COL23A1: variants seen among roughly 807,000 people sequenced by gnomAD.
The protein encoded by COL23A1 is collagen alpha-1(XXIII) chain.
Under a neutral mutation model 99.3 loss-of-function variants are expected in COL23A1, and 97 were observed. That is an observed-to-expected ratio of 0.98 (90% confidence interval 0.83 to 1.16). COL23A1 has a LOEUF of 1.16. Among genes scored for constraint, COL23A1 ranks in the 50% most tolerant of loss-of-function variants. The pLI, the probability that COL23A1 is intolerant of heterozygous loss-of-function variation, is 0.00. For missense variants in COL23A1, 762 were observed against 757.4 expected, an observed-to-expected ratio of 1.01 and a Z score of -0.07; for synonymous variants, 320 against 308.2, an observed-to-expected ratio of 1.04 and a Z score of -0.40.
At chr5:178,488,638 C>T (rs896838596) in intron 2 of COL23A1, among the ~76,000 whole-genome samples, 1 of 150,664 alleles carries the variant, frequency 6.6e-6, no homozygotes, top group Non-Finnish European at 1.5e-5. Context: ...ATAGACAAAA[C>T]GGTGCGTGGA....
chr5:178,245,081 A>G (rs1035153727), intron 25 of COL23A1, among the ~76,000 whole-genome samples: 1 of 67,540 alleles, frequency 1.5e-5, no homozygotes, highest in African/African-American at 9.4e-5. Context: ...ATCATCTATC[A>G]TCCATCCATC....
intron 1 of COL23A1, among the ~76,000 whole-genome samples, chr5:178,583,034 G>A (rs1763742814): frequency 1.3e-5 from 2 of 152,232 alleles, no homozygotes; most frequent in South Asian, 4.1e-4. Flanking sequence ...TTCCGCCTCT[G>A]TGACATTTCT....
rs910939947 is a variant in COL23A1, at chr5:178,255,338, A to T, written c.883-312T>A. ...GATGTGACGCTCTTCAGATTTTTCA[A>T]TGTTGGCAACAAACAGAAAAGCCCC... is the stretch of plus-strand genomic sequence containing the variant. On this transcript the variant is annotated intron_variant, in intron 15 of 28. Transcript: ENST00000390654. This position sits in a 1 kb window ranked among gnomAD's most constrained non-coding sequence, Gnocchi z 4.2. Among the ~76,000 whole-genome samples, 1 of 152,194 alleles carries T rather than the reference A, an allele frequency of 6.6e-6. No individual in the cohort carries two copies. Among genetic ancestry groups the T allele is most frequent in the Non-Finnish European group, 1.5e-5 (1 of 68,030 alleles).
At chr5:178,514,662 G>A (rs887840496) in intron 2 of COL23A1, among the ~76,000 whole-genome samples, 2 of 152,234 alleles carry the variant, frequency 1.3e-5, no homozygotes, top group African/African-American at 4.8e-5. Flanking sequence ...ACAGCAGCCT[G>A]CTGCCCCGAC....
chr5:178,518,628 C>T (rs1262855110), intron 2 of COL23A1, among the ~76,000 whole-genome samples: 37 of 127,378 alleles, frequency 2.9e-4, no homozygotes, highest in Non-Finnish European at 5.0e-4. Context: ...GATGGGCGGC[C>T]GGGCAGAGAC....
chr5:178,425,167 A>G (rs954006319), intron 2 of COL23A1, among the ~76,000 whole-genome samples: 2 of 152,212 alleles, frequency 1.3e-5, no homozygotes, highest in Non-Finnish European at 2.9e-5. Context: ...TCATGCCTGT[A>G]ATCCCAGCAC....
At chr5:178,360,609 C>A (rs1332151789) in intron 2 of COL23A1, among the ~76,000 whole-genome samples, 1 of 152,246 alleles carries the variant, frequency 6.6e-6, no homozygotes. Context: ...CCTCTCTGAG[C>A]CTCGGTGTCC....
chr5:178,411,231 A>C (rs1183047831), intron 2 of COL23A1, among the ~76,000 whole-genome samples: 1 of 152,228 alleles, frequency 6.6e-6, no homozygotes, highest in Admixed American at 6.5e-5. Flanking sequence ...TCCTGTGAAA[A>C]TGTTTGGTGG....
intron 2 of COL23A1, among the ~76,000 whole-genome samples, chr5:178,358,091 TAG>T (rs1446640564): frequency 6.6e-6 from 1 of 151,418 alleles, no homozygotes; most frequent in Non-Finnish European, 1.5e-5. Context: ...TGTACGTGTG[TAG>T]GTCTAATGTG....
At chr5:178,356,952 AG>A (rs1431702389) in intron 2 of COL23A1, among the ~76,000 whole-genome samples, 2 of 152,230 alleles carry the variant, frequency 1.3e-5, no homozygotes, top group African/African-American at 2.4e-5. Context: ...CATAAAAAAA[AG>A]TCTAACACAA....
intron 2 of COL23A1, among the ~76,000 whole-genome samples, chr5:178,487,191 G>T (rs1757678715): frequency 6.6e-6 from 1 of 152,150 alleles, no homozygotes; most frequent in Non-Finnish European, 1.5e-5. Flanking sequence ...TCCAGGCTGG[G>T]GCCAGGTCCA....
chr5:178,399,800 G>C lies in COL23A1; in HGVS notation c.362-92881C>G, dbSNP rs1421245689. ...GAGGAGATACTGAAGTATCCAGAGC[G>C]GCCAGGCTTCAGACTTGGTCTCCAG... On this transcript the variant is annotated intron_variant, in intron 2 of 28. Transcript: ENST00000390654. Among the ~76,000 whole-genome samples, 5 of 152,298 alleles carry C rather than the reference G, an allele frequency of 3.3e-5. No individual in the cohort carries two copies. The South Asian group carries it at 8.3e-4, about 25-fold the overall frequency.
At chr5:178,543,764 G>A (rs924654444) in intron 2 of COL23A1, among the ~76,000 whole-genome samples, 2 of 152,178 alleles carry the variant, frequency 1.3e-5, no homozygotes, top group African/African-American at 4.8e-5. Flanking sequence ...GAATTGCATG[G>A]CTTACAGATT....
intron 2 of COL23A1, among the ~76,000 whole-genome samples, chr5:178,332,944 C>G (rs747717428): frequency 4.6e-5 from 7 of 151,616 alleles, no homozygotes; most frequent in Non-Finnish European, 1.0e-4. Context: ...ATTTTTGACT[C>G]ATGGTTTGTT....
At chr5:178,585,014 A>G (rs888423681) in intron 1 of COL23A1, among the ~76,000 whole-genome samples, 10 of 152,194 alleles carry the variant, frequency 6.6e-5, no homozygotes, top group Non-Finnish European at 1.3e-4. Flanking sequence ...TAAAGGCCAA[A>G]GACTGCAACC....
intron 5 of COL23A1, among the ~76,000 whole-genome samples, chr5:178,276,285 C>CT (rs11438802): frequency 2.3e-4 from 35 of 152,000 alleles, no homozygotes; most frequent in Non-Finnish European, 4.1e-4. Flanking sequence ...ATAAACTGGC[C>CT]GCGTTTAGAA....
intron 2 of COL23A1, among the ~76,000 whole-genome samples, chr5:178,337,690 G>C (rs112128835): frequency 3.2e-4 from 49 of 152,212 alleles, no homozygotes; most frequent in African/African-American, 1.1e-3. Context: ...ATCCAGGACT[G>C]CAGGCTTCCT....
intron 2 of COL23A1, among the ~76,000 whole-genome samples, chr5:178,382,739 G>A (rs959637685): frequency 6.6e-6 from 1 of 152,224 alleles, no homozygotes; most frequent in Non-Finnish European, 1.5e-5. Context: ...CCCAGGACTC[G>A]GGGGCACTGA....
intron 2 of COL23A1, among the ~76,000 whole-genome samples, chr5:178,463,105 A>G (rs1756214884): frequency 6.6e-6 from 1 of 152,192 alleles, no homozygotes; most frequent in Admixed American, 6.5e-5. Context: ...AAAGGGAACT[A>G]TTTTTTTAAG....
Sources: gnomAD v4.1 joint callset for allele counts (sites outside exome capture counted in the v4.1 genomes callset) on GRCh38, gnomAD v4.1.1 for gene constraint, Gnocchi (gnomAD v3.1) non-coding constraint, MANE v1.5 for transcripts, NCBI Gene and HGNC (gene_info 2026-07-23, HGNC 2026-07-21) for gene names.